Variants in HYCC2 observed in about 807,000 individuals in gnomAD.
The protein encoded by HYCC2 is hyccin PI4KA lipid kinase complex subunit 2.
At chr2:201,067,929 AC>A in the HYCC2 span, among the ~76,000 whole-genome samples, 3 of 152,164 alleles carry the variant, frequency 2.0e-5, no homozygotes, top group Non-Finnish European at 4.4e-5. Context: ...ACTAATCCAA[AC>A]CAAAACATTC....
At chr2:201,030,171 T>C in the HYCC2 span, among the ~76,000 whole-genome samples, 1 of 152,200 alleles carries the variant, frequency 6.6e-6, no homozygotes, top group Non-Finnish European at 1.5e-5. Context: ...ATTGGAACTT[T>C]AAACAACTCC....
the HYCC2 span, among the ~76,000 whole-genome samples, chr2:201,050,207 C>A: frequency 6.7e-6 from 1 of 149,586 alleles, no homozygotes; most frequent in African/African-American, 2.5e-5. Flanking sequence ...GAGTGACACC[C>A]TGTCTCAAAA....
the HYCC2 span, among the ~76,000 whole-genome samples, chr2:201,011,132 G>A: frequency 6.6e-6 from 1 of 152,006 alleles, no homozygotes; most frequent in African/African-American, 2.4e-5. Context: ...GGGACAGAGC[G>A]AGACTCCATC....
the HYCC2 span, chr2:200,992,796 C>A: frequency 2.5e-6 from 2 of 816,308 alleles, no homozygotes; most frequent in Non-Finnish European, 4.0e-6. Context: ...ACAAAAGATT[C>A]AGTATTGTGT....
the HYCC2 span, chr2:201,063,547 T>C: frequency 6.3e-7 from 1 of 1,587,748 alleles, no homozygotes; most frequent in Non-Finnish European, 8.5e-7. Flanking sequence ...TTGTAACCTT[T>C]GATGACCATG....
At chr2:201,061,627 G>GGT in the HYCC2 span, among the ~76,000 whole-genome samples, 25 of 139,910 alleles carry the variant, frequency 1.8e-4, no homozygotes, top group African/African-American at 6.5e-4. Context: ...CATACTTATA[G>GGT]TTTTTTTTTT....
chr2:201,010,510 T>C, the HYCC2 span, among the ~76,000 whole-genome samples: 1 of 152,186 alleles, frequency 6.6e-6, no homozygotes, highest in African/African-American at 2.4e-5. Flanking sequence ...GAAGTTCAGC[T>C]CAACAGGTAT....
At chr2:201,030,599 G>A in the HYCC2 span, among the ~76,000 whole-genome samples, 1 of 138,578 alleles carries the variant, frequency 7.2e-6, no homozygotes, top group Admixed American at 7.4e-5. Context: ...TTTTTTTTGA[G>A]TTGGAGTCTC....
chr2:200,985,941 G>C, the HYCC2 span, among the ~76,000 whole-genome samples: 1 of 152,248 alleles, frequency 6.6e-6, no homozygotes, highest in Middle Eastern at 3.4e-3. Context: ...GATTAACATA[G>C]TACTATATTT....
chr2:201,069,930 T>C, the HYCC2 span, among the ~76,000 whole-genome samples: 4 of 152,188 alleles, frequency 2.6e-5, no homozygotes, highest in African/African-American at 9.7e-5. Flanking sequence ...TCACATCTTA[T>C]AAAGTTTTTC....
At chr2:201,035,887 G>A in the HYCC2 span, among the ~76,000 whole-genome samples, 1 of 152,166 alleles carries the variant, frequency 6.6e-6, no homozygotes. Flanking sequence ...TGTTTGCCTG[G>A]ATATCAGCAG....
chr2:201,010,624 T>C, the HYCC2 span, among the ~76,000 whole-genome samples: 1 of 152,168 alleles, frequency 6.6e-6, no homozygotes, highest in Admixed American at 6.5e-5. Context: ...ATTAGATTCC[T>C]TTAAACTGAA....
the HYCC2 span, among the ~76,000 whole-genome samples, chr2:201,024,238 T>C: frequency 6.6e-6 from 1 of 152,062 alleles, no homozygotes; most frequent in Non-Finnish European, 1.5e-5. Flanking sequence ...CACCTGAATC[T>C]CAACACTTTG....
At chr2:200,985,582 G>A in the HYCC2 span, among the ~76,000 whole-genome samples, 1 of 152,144 alleles carries the variant, frequency 6.6e-6, no homozygotes, top group Non-Finnish European at 1.5e-5. Context: ...GATCACTTAA[G>A]ACCAGGAAGT....
the HYCC2 span, chr2:200,981,564 A>G: frequency 6.2e-7 from 1 of 1,614,212 alleles, no homozygotes; most frequent in Non-Finnish European, 8.5e-7. The surrounding 1 kb of genome is among the most constrained non-coding windows in gnomAD (Gnocchi z 4.5). Flanking sequence ...CCACCTGGCC[A>G]GCAGGCAGGC....
At chr2:201,015,977 T>C in the HYCC2 span, among the ~76,000 whole-genome samples, 1 of 152,186 alleles carries the variant, frequency 6.6e-6, no homozygotes, top group Admixed American at 6.5e-5. Context: ...AAAATCCTCT[T>C]ATTATACAAA....
chr2:201,033,192 TGTGTGAGAGA>T, the HYCC2 span, among the ~76,000 whole-genome samples: 10 of 131,734 alleles, frequency 7.6e-5, no homozygotes, highest in Non-Finnish European at 6.4e-5. Flanking sequence ...TGTGTGTGTG[TGTGTGAGAGA>T]GAGAGAGAGA....
chr2:200,981,984 C>A, the HYCC2 span: 1 of 1,148,524 alleles, frequency 8.7e-7, no homozygotes, highest in Non-Finnish European at 1.2e-6. This position sits in a 1 kb window ranked among gnomAD's most constrained non-coding sequence, Gnocchi z 4.5. Context: ...TTGTCAATGG[C>A]CCTACTATCA....
At chr2:201,048,502 TGCAA>T in the HYCC2 span, among the ~76,000 whole-genome samples, 14 of 144,640 alleles carry the variant, frequency 9.7e-5, no homozygotes, top group African/African-American at 3.7e-4. Context: ...CAATTTTTTT[TGCAA>T]TTTTTTTTTT....
Sources: gnomAD v4.1 joint callset for allele counts (sites outside exome capture counted in the v4.1 genomes callset) on GRCh38, gnomAD v4.1.1 for gene constraint, Gnocchi (gnomAD v3.1) non-coding constraint, MANE v1.5 for transcripts, NCBI Gene and HGNC (gene_info 2026-07-23, HGNC 2026-07-21) for gene names.